The following ABCC9 variants were observed in gnomAD, a reference collection of about 807,000 sequenced individuals.
ABCC9 encodes the protein ATP binding cassette subfamily C member 9, also known as ATP-binding cassette sub-family C member 9.
ABCC9 carries 95 observed loss-of-function variants against 188.3 expected under a neutral mutation model. The ratio of observed to expected loss-of-function variants is 0.50; its 90% CI spans 0.43 to 0.60. The LOEUF (loss-of-function observed/expected upper bound fraction) is 0.60, where lower values mean the gene tolerates loss of function less well. ABCC9 is among the 20% of genes least tolerant of loss of function. ABCC9 has a pLI of 0.00. For missense variants in ABCC9, 1,102 were observed against 1,876.3 expected (o/e 0.59, Z 7.62); for synonymous variants, 659 against 652.7 (o/e 1.01, Z -0.15).
intron 12 of ABCC9, among the ~76,000 whole-genome samples, chr12:21,903,218 C>A (rs527585560): frequency 6.6e-5 from 10 of 152,188 alleles, no homozygotes; most frequent in Non-Finnish European, 1.3e-4. Context: ...AGGCCTTTGA[C>A]AAAATTCAAC....
chr12:21,915,223 A>ATATG (rs1555115928), intron 7 of ABCC9, among the ~76,000 whole-genome samples: 4 of 117,154 alleles, frequency 3.4e-5, no homozygotes, highest in African/African-American at 1.4e-4. Flanking sequence ...CTTTATATAT[A>ATATG]TATGTGTGTG....
chr12:21,808,352 G>A (rs1941998389), intron 37 of ABCC9, among the ~76,000 whole-genome samples: 1 of 152,106 alleles, frequency 6.6e-6, no homozygotes, highest in African/African-American at 2.4e-5. Flanking sequence ...AAGATGATGA[G>A]CACCATATTC....
chr12:21,929,138 A>G (rs576187323), intron 4 of ABCC9, among the ~76,000 whole-genome samples: 42 of 152,176 alleles, frequency 2.8e-4, no homozygotes, highest in Non-Finnish European at 4.9e-4. Context: ...CAAGCAACAT[A>G]TAGAACTTCA....
chr12:21,859,814 A>C, intron 21 of ABCC9, 148 bp from the exon 22 acceptor site: 1 of 758,228 alleles, frequency 1.3e-6, no homozygotes, highest in Non-Finnish European at 2.3e-6. Context: ...GTAAGAAAAC[A>C]TGGAAACTGT....
At chr12:21,859,107 C>T (rs1400805760) in intron 22 of ABCC9, among the ~76,000 whole-genome samples, 1 of 152,158 alleles carries the variant, frequency 6.6e-6, no homozygotes, top group Non-Finnish European at 1.5e-5. Flanking sequence ...GATTATGCCA[C>T]AGGTCTAGAG....
chr12:21,856,983 A>G (rs531624654), intron 22 of ABCC9, among the ~76,000 whole-genome samples: 43 of 152,328 alleles, frequency 2.8e-4, no homozygotes, highest in African/African-American at 9.6e-4. Context: ...ACCCTCTCTC[A>G]GCACTGTGAT....
At chr12:21,807,950 T>A (rs1391295075) in intron 37 of ABCC9, among the ~76,000 whole-genome samples, 1 of 152,174 alleles carries the variant, frequency 6.6e-6, no homozygotes, top group African/African-American at 2.4e-5. Flanking sequence ...GGGTTTATTT[T>A]TTTTTTGTCA....
intron 32 of ABCC9, among the ~76,000 whole-genome samples, chr12:21,817,795 G>A (rs1190861135): frequency 1.3e-5 from 2 of 152,150 alleles, no homozygotes; most frequent in Non-Finnish European, 1.5e-5. Flanking sequence ...ATGTAATCTT[G>A]TTATGAATTT....
chr12:21,819,654 A>G lies in ABCC9; in HGVS notation c.3670-1403T>C, dbSNP rs1296188434. Among the ~76,000 whole-genome samples, 7 of 152,350 alleles carry G rather than the reference A, an allele frequency of 4.6e-5. No homozygotes were observed. In the South Asian group the frequency reaches 1.2e-3, roughly 27 times the overall value. On this transcript the variant is annotated intron_variant, in intron 31 of 39. Coordinates refer to ENST00000261200, the MANE Select transcript of ABCC9 (RefSeq NM_020297.4). ...TAAAGGAATAAAAATGTTAAATACCAGTTAGATTTCTCCATCTCCACATAC... is the reference window on the plus strand; with the variant it reads ...TAAAGGAATAAAAATGTTAAATACCGGTTAGATTTCTCCATCTCCACATAC...
At chr12:21,815,957 G>A in intron 33 of ABCC9, 64 bp from the exon 34 acceptor site, 1 of 1,213,064 alleles carries the variant, frequency 8.2e-7, no homozygotes, top group Non-Finnish European at 1.1e-6. Context: ...AGAAAGAAAT[G>A]TATACATACT....
chr12:21,910,480 A>G (rs913867947), intron 9 of ABCC9, among the ~76,000 whole-genome samples, 168 bp from the exon 10 acceptor site: 1 of 151,974 alleles, frequency 6.6e-6, no homozygotes, highest in Non-Finnish European at 1.5e-5. Flanking sequence ...TTTCTACTTC[A>G]GTATAGTTAT....
At chr12:21,820,889 T>C (rs990581025) in intron 31 of ABCC9, among the ~76,000 whole-genome samples, 9 of 152,160 alleles carry the variant, frequency 5.9e-5, no homozygotes, top group African/African-American at 2.2e-4. Context: ...ATTATCTTAT[T>C]TGCTTATTTG....
At chr12:21,849,199 A>C (rs1468236457) in intron 24 of ABCC9, among the ~76,000 whole-genome samples, 1 of 152,130 alleles carries the variant, frequency 6.6e-6, no homozygotes, top group Non-Finnish European at 1.5e-5. Context: ...AAACCTACAC[A>C]GTTTTTCTGT....
At chr12:21,839,649 C>T (rs1445934097) in intron 29 of ABCC9, among the ~76,000 whole-genome samples, 1 of 152,008 alleles carries the variant, frequency 6.6e-6, no homozygotes, top group Non-Finnish European at 1.5e-5. Context: ...CTTTTCAGAC[C>T]TTTTTTCCTG....
intron 21 of ABCC9, among the ~76,000 whole-genome samples, chr12:21,859,896 A>T (rs1945419072): frequency 6.6e-6 from 1 of 152,304 alleles, no homozygotes; most frequent in East Asian, 1.9e-4. Flanking sequence ...TTTCACTCTA[A>T]TAGAGATCTC....
chr12:21,870,351 G>A (rs774375596), intron 18 of ABCC9, among the ~76,000 whole-genome samples: 4 of 151,782 alleles, frequency 2.6e-5, no homozygotes, highest in Non-Finnish European at 5.9e-5. Context: ...CAAACTCCTA[G>A]GCTTAAGAGA....
chr12:21,824,256 T>C (rs1386923956), intron 31 of ABCC9, among the ~76,000 whole-genome samples: 3 of 152,140 alleles, frequency 2.0e-5, no homozygotes, highest in African/African-American at 7.2e-5. Flanking sequence ...AATCATGTGG[T>C]TTTTGTCATT....
intron 3 of ABCC9, among the ~76,000 whole-genome samples, chr12:21,934,618 TA>T (rs1565499972): frequency 6.6e-6 from 1 of 151,990 alleles, no homozygotes; most frequent in East Asian, 1.9e-4. Context: ...AGTTACTACG[TA>T]GAGTAATACT....
chr12:21,908,527 T>G (rs185257910), intron 10 of ABCC9, among the ~76,000 whole-genome samples: 2 of 151,980 alleles, frequency 1.3e-5, no homozygotes, highest in Non-Finnish European at 2.9e-5. Flanking sequence ...ACTTCCAACC[T>G]TTTAAGTAGT....
Sources: allele counts gnomAD v4.1 joint callset (sites outside exome capture counted in the v4.1 genomes callset), GRCh38; gene constraint gnomAD v4.1.1; transcripts MANE v1.5; gene names NCBI Gene and HGNC (gene_info 2026-07-23, HGNC 2026-07-21).